RGS3: variants seen among roughly 807,000 people sequenced by gnomAD.
RGS3 encodes regulator of G-protein signalling 3.
A neutral mutation model predicts 132.6 loss-of-function variants in RGS3; 80 were observed. That is an observed-to-expected ratio of 0.60 (90% CI 0.50 to 0.73). The LOEUF is 0.73. RGS3 is among the 30% of genes least tolerant of loss of function. The probability of loss-of-function intolerance (pLI) is 0.00; values close to 1 mark genes in which losing one functional copy is unlikely to be tolerated. For synonymous variants in RGS3, 598 were observed against 620.6 expected (o/e 0.96, Z 0.54); for missense variants, 1,382 against 1,530.8 (o/e 0.90, Z 1.62).
intron 19 of RGS3, among the ~76,000 whole-genome samples, chr9:113,573,834 G>A (rs751625553): frequency 3.9e-5 from 6 of 152,164 alleles, no homozygotes; most frequent in Admixed American, 2.6e-4. Flanking sequence ...CCAGGCCCAG[G>A]TTTGTCCTCA....
At chr9:113,529,096 CCT>C (rs1832351597) in intron 17 of RGS3, 123 bp from the exon 16 acceptor site, 1 of 761,042 alleles carries the variant, frequency 1.3e-6, no homozygotes, top group Non-Finnish European at 2.4e-6. Flanking sequence ...CCCATGCCTG[CCT>C]CTCTCTTTTC....
intron 4 of RGS3, among the ~76,000 whole-genome samples, chr9:113,480,427 C>T (rs1346210941): frequency 1.3e-5 from 2 of 148,304 alleles, no homozygotes; most frequent in Non-Finnish European, 1.5e-5. Context: ...CCATTGCACT[C>T]CAGCCCAGGC....
intron 18 of RGS3, among the ~76,000 whole-genome samples, chr9:113,531,585 C>T (rs1564533921): frequency 6.6e-6 from 1 of 152,246 alleles, no homozygotes; most frequent in African/African-American, 2.4e-5. Context: ...TATTCATTTA[C>T]TCTCCATTAG....
At position 113,507,529 on chromosome 9, in the gene RGS3, C is replaced by A. The variant is rs757509198; in HGVS notation, c.1328C>A (p.Thr443Asn). The A allele has an allele frequency of 1.2e-6, 2 of 1,604,698 alleles. No homozygotes were observed. The highest frequency in any genetic ancestry group is 2.7e-5 in the African/African-American group (2 of 74,826). ...CTGCTCGGCGGCTGGGAGCGCTACA[C>A]CGAGGTGGCCAAGCGCGGGGGCCAG... Residue 443 changes from threonine to asparagine, a missense_variant, in exon 13 of 25, where the codon ACC becomes AAC. Transcript: ENST00000350696. The surrounding 1 kb of genome is among the most constrained non-coding windows in gnomAD (Gnocchi z 5.0).
At chr9:113,510,625 G>A (rs937758042) in intron 14 of RGS3, among the ~76,000 whole-genome samples, 5 of 152,102 alleles carry the variant, frequency 3.3e-5, no homozygotes, top group African/African-American at 1.2e-4. Context: ...GTACTTCTGT[G>A]TCTCCCTTCT....
intron 19 of RGS3, among the ~76,000 whole-genome samples, chr9:113,546,650 C>T (rs907417261): frequency 2.0e-5 from 3 of 152,200 alleles, no homozygotes; most frequent in Non-Finnish European, 4.4e-5. Context: ...TTTTCTGTTG[C>T]ACCTCAGCTT....
Position 113,591,590 on chromosome 9 carries a change from A to G in RGS3, c.3080+193A>G, listed in dbSNP as rs1449209892. On this transcript the variant is annotated intron_variant, in intron 21 of 24. Transcript: ENST00000350696. This position sits in a 1 kb window ranked among gnomAD's most constrained non-coding sequence, Gnocchi z 4.4. The stretch of plus-strand genomic sequence containing the variant: ...AAGTGGGGTCACCTGGGTCCTGAGC[A>G]TTCTCTCCAAGTGAGGCAAAGTGCT... 1.0e-5 allele frequency: 6 copies of G among 581,552 alleles called. No individual in the cohort carries two copies. The highest frequency in any genetic ancestry group is 5.6e-5 in the African/African-American group (3 of 53,342). The allele number at this position is 581,552 out of a possible 1,614,324, so 36.0% of individuals were successfully genotyped here. A position where few individuals can be genotyped will look rare whatever the true frequency, so the allele number is the denominator to read the frequency against.
intron 19 of RGS3, chr9:113,564,852 C>G: frequency 1.1e-6 from 1 of 895,526 alleles, no homozygotes; most frequent in Non-Finnish European, 1.3e-6. Context: ...CGTGTGCTGG[C>G]TGCAGGAGCC....
In RGS3 at chr9:113,595,576, C is replaced by T. The variant is rs753272080; in HGVS notation, c.3245-23C>T. 7 of 1,610,274 alleles carry T rather than the reference C, an allele frequency of 4.3e-6. No homozygotes were observed. The Admixed American group carries it at 5.0e-5, about 12-fold the overall frequency. On this transcript the variant is annotated intron_variant, in intron 23 of 24. Coordinates refer to ENST00000350696, the Ensembl canonical transcript of RGS3. ...AGGAGAGGCTGAGTTTGCCTCTTAC[C>T]CCAGGATCCGTTCTCCTCACAGACG... is the stretch of plus-strand genomic sequence containing the variant.
At chr9:113,564,965 C>T (rs537556657) in intron 19 of RGS3, 151 of 1,019,746 alleles carry the variant, frequency 1.5e-4, no homozygotes, top group Admixed American at 7.7e-4. Flanking sequence ...TTGCAGGGAG[C>T]GGCTGCCAGC....
At chr9:113,514,587 C>T (rs373979010) in exon 15 of RGS3, 115 of 1,614,010 alleles carry the variant, frequency 7.1e-5, no homozygotes, top group Non-Finnish European at 8.4e-5. Context: ...CCGCATGCCA[C>T]GCACTCAAGC....
At chr9:113,503,030 G>A (rs988092672) in intron 10 of RGS3, among the ~76,000 whole-genome samples, 1 of 152,216 alleles carries the variant, frequency 6.6e-6, no homozygotes, top group African/African-American at 2.4e-5. Context: ...AGAATTTGGG[G>A]ATTACAGTCT....
rs201923769 is a variant in RGS3 at position 113,591,420 on chromosome 9, T to C, written c.3080+23T>C. Reference sequence around the variant, plus strand: ...CCTGTACGTTGGGAAGATCCCTGGCTTCTGCGCTCCTCTTCCTCCCTTGCC... The same window carrying C: ...CCTGTACGTTGGGAAGATCCCTGGCCTCTGCGCTCCTCTTCCTCCCTTGCC... On this transcript the variant is annotated intron_variant, in intron 21 of 24. Transcript: ENST00000350696. This position sits in a 1 kb window ranked among gnomAD's most constrained non-coding sequence, Gnocchi z 4.4. 6.2e-7 allele frequency: 1 copy of C among 1,605,990 alleles called. No individual in the cohort carries two copies. The highest frequency in any genetic ancestry group is 8.5e-7 in the Non-Finnish European group (1 of 1,173,126).
chr9:113,446,859 G>A (rs1169829255), intron 1 of RGS3, among the ~76,000 whole-genome samples: 7 of 152,156 alleles, frequency 4.6e-5, no homozygotes, highest in African/African-American at 1.7e-4. Flanking sequence ...GTTGGGCAGA[G>A]ACTCAGGAAG....
At chr9:113,513,829 T>C (rs1831513655) in intron 14 of RGS3, among the ~76,000 whole-genome samples, 1 of 152,184 alleles carries the variant, frequency 6.6e-6, no homozygotes, top group Admixed American at 6.5e-5. Context: ...TCTAGCTCCC[T>C]TGGCTACAGA....
At chr9:113,467,238 A>G (rs994091001) in intron 3 of RGS3, among the ~76,000 whole-genome samples, 8 of 152,226 alleles carry the variant, frequency 5.3e-5, no homozygotes, top group African/African-American at 1.9e-4. Flanking sequence ...TACACACAGT[A>G]TATACCTAGG....
intron 19 of RGS3, among the ~76,000 whole-genome samples, chr9:113,540,142 T>C (rs747360288): frequency 1.2e-4 from 18 of 152,058 alleles, no homozygotes; most frequent in Non-Finnish European, 2.2e-4. Context: ...GTTGCTTCAT[T>C]ATCTGTAGCT....
Position 113,506,843 on chromosome 9 carries a change from C to G in RGS3, c.1085+350C>G, listed in dbSNP as rs1001711909. ...GAAGATGTTGCAAATGTTTCAATTGCACAATTAAAAAAATATTCTTGAAAA... is the reference window on the plus strand; with the variant it reads ...GAAGATGTTGCAAATGTTTCAATTGGACAATTAAAAAAATATTCTTGAAAA... On this transcript the variant is annotated intron_variant, in intron 12 of 24. Coordinates refer to ENST00000350696, the Ensembl canonical transcript of RGS3. The surrounding 1 kb of genome is among the most constrained non-coding windows in gnomAD (Gnocchi z 4.7). Among the ~76,000 whole-genome samples, 1 of 152,128 alleles carries G rather than the reference C, an allele frequency of 6.6e-6. No individual in the cohort carries two copies.
intron 19 of RGS3, among the ~76,000 whole-genome samples, chr9:113,543,762 G>T (rs1311357870): frequency 1.3e-5 from 2 of 152,208 alleles, no homozygotes; most frequent in African/African-American, 4.8e-5. Context: ...GCAGCACACA[G>T]CCCTGGGGAC....
Sources: gnomAD v4.1 joint callset for allele counts (sites outside exome capture counted in the v4.1 genomes callset) on GRCh38, gnomAD v4.1.1 for gene constraint, Gnocchi (gnomAD v3.1) non-coding constraint, MANE v1.5 for transcripts, NCBI Gene and HGNC (gene_info 2026-07-23, HGNC 2026-07-21) for gene names.